AP4S1: variants seen among roughly 807,000 people sequenced by gnomAD.
AP4S1 encodes AP-4 complex subunit sigma-1.
A neutral mutation model predicts 19.8 loss-of-function variants in AP4S1; 23 were observed. The ratio of observed to expected loss-of-function variants is 1.16; its 90% CI spans 0.84 to 1.65. The LOEUF (loss-of-function observed/expected upper bound fraction) is 1.65. AP4S1 is among the 40% of genes most tolerant of loss of function. The pLI is 0.00. For missense variants in AP4S1, 166 were observed against 172.8 expected (o/e 0.96, Z 0.22); for synonymous variants, 46 against 54.1 (o/e 0.85, Z 0.66).
In AP4S1 at chr14:31,082,753, G is replaced by A. The variant is rs563310881; in HGVS notation, c.306+2169G>A. Among the ~76,000 whole-genome samples the A allele has an allele frequency of 9.2e-3, 1,398 of 152,228 alleles. 18 individuals are homozygous for A. The highest frequency in any genetic ancestry group is 0.03 in the African/African-American group (1,247 of 41,542). ...CTACTAAAAATACAAAAAATTAGCC[G>A]GGCGCGGTGGCGGGCGCCTGTAGTC... On this transcript the variant is annotated intron_variant, in intron 5 of 5. Transcript: ENST00000542754.
intron 1 of AP4S1, among the ~76,000 whole-genome samples, chr14:31,060,334 T>C (rs1886369000): frequency 6.6e-6 from 1 of 152,086 alleles, no homozygotes; most frequent in Admixed American, 6.6e-5. Context: ...TTGGTTATAC[T>C]CAGGGCAGTC....
At chr14:31,075,247 T>C (rs1363562487) in intron 4 of AP4S1, among the ~76,000 whole-genome samples, 2 of 152,196 alleles carry the variant, frequency 1.3e-5, no homozygotes, top group Non-Finnish European at 2.9e-5. Flanking sequence ...ATATCTACTT[T>C]TTTACTTCCC....
chr14:31,080,785 T>C (rs2139098894), intron 5 of AP4S1: 1 of 731,268 alleles, frequency 1.4e-6, no homozygotes, highest in Non-Finnish European at 2.4e-6. Flanking sequence ...AGGCGATTCT[T>C]TTTTTTTCTT....
chr14:31,066,200 A>G lies in AP4S1; in HGVS notation c.4A>G (p.Ile2Val), dbSNP rs1046623045. M[I>V]KFFLMVNKQG... ...AAATACTGGCCAGGAAAGAAAAATG[A>G]TAAAATTTTTCCTCATGGTGAATAA... The change falls in exon 2 of 6, where the codon ATA becomes GTA. Residue 2 changes from isoleucine (I) to valine (V), a missense_variant. By Grantham distance (29) the Ile-to-Val change is conservative (BLOSUM62 3). Coordinates refer to ENST00000542754, the MANE Select transcript of AP4S1 (RefSeq NM_001128126.3). 10 of 1,613,838 alleles carry G rather than the reference A, an allele frequency of 6.2e-6. No homozygotes were observed. The highest frequency in any genetic ancestry group is 5.0e-5 in the Admixed American group (3 of 59,988).
At chr14:31,030,522 A>AT (rs1336854224) in intron 1 of AP4S1, among the ~76,000 whole-genome samples, 1 of 151,920 alleles carries the variant, frequency 6.6e-6, no homozygotes, top group African/African-American at 2.4e-5. Context: ...TTTGTTTTTA[A>AT]TTTTTTGTAG....
At chr14:31,049,429 ATAT>A (rs1376881151) in intron 1 of AP4S1, among the ~76,000 whole-genome samples, 410 of 35,870 alleles carry the variant, frequency 0.011, 4 homozygotes, top group Middle Eastern at 0.025. Context: ...AAAAAAAAAA[ATAT>A]ATATATATAT....
At chr14:31,036,134 TA>T (rs1320691365) in intron 1 of AP4S1, among the ~76,000 whole-genome samples, 3 of 141,608 alleles carry the variant, frequency 2.1e-5, no homozygotes, top group East Asian at 4.4e-4. Context: ...ATTTTTATTT[TA>T]AAAAAATAAT....
Position 31,049,428 on chromosome 14 carries a change from AATATATATATAT to A in AP4S1, c.-71-16675_-71-16664del, listed in dbSNP as rs1182207910. 6.0e-3 allele frequency among the ~76,000 whole-genome samples: 348 copies of A among 57,708 alleles called. 4 individuals are homozygous for A. Among genetic ancestry groups the A allele is most frequent in the East Asian group, 0.011 (22 of 1,976 alleles). 37.9% of individuals were successfully genotyped at this position (57,708 alleles called of 152,430 possible). The stretch of plus-strand genomic sequence containing the variant: ...GACTCGGTCTCAAAAAAAAAAAAAA[AATATATATATAT>A]ATATATATATATATATATATATGTA... On this transcript the variant is annotated intron_variant, in intron 1 of 5. Transcript: ENST00000542754.
chr14:31,064,171 C>T (rs1423777970), intron 1 of AP4S1, among the ~76,000 whole-genome samples: 1 of 152,230 alleles, frequency 6.6e-6, no homozygotes, highest in African/African-American at 2.4e-5. Context: ...TTAGGGGTGT[C>T]ATGGATCCAT....
chr14:31,060,516 T>G (rs1886378869), intron 1 of AP4S1, among the ~76,000 whole-genome samples: 2 of 152,176 alleles, frequency 1.3e-5, no homozygotes, highest in Admixed American at 1.3e-4. Context: ...CCAAGCAACT[T>G]AAGCGTCACA....
chr14:31,080,170 T>A (rs1019153785), intron 4 of AP4S1, among the ~76,000 whole-genome samples: 5 of 152,328 alleles, frequency 3.3e-5, no homozygotes, highest in Non-Finnish European at 7.3e-5. Flanking sequence ...ACCCTGAATA[T>A]CCTGTCATAT....
chr14:31,080,507 C>T, intron 4 of AP4S1, 66 bp from the exon 5 acceptor site: 1 of 1,370,792 alleles, frequency 7.3e-7, no homozygotes, highest in African/African-American at 1.4e-5. Context: ...TTCAGTCTGA[C>T]TCTGCTAAGA....
intron 1 of AP4S1, among the ~76,000 whole-genome samples, chr14:31,043,186 A>T (rs1594640843): frequency 6.6e-6 from 1 of 151,428 alleles, no homozygotes; most frequent in African/African-American, 2.4e-5. Context: ...ATGCCACTGC[A>T]CTCTAGCCTG....
chr14:31,084,622 C>CA, intron 5 of AP4S1: 1 of 1,325,858 alleles, frequency 7.5e-7, no homozygotes, highest in South Asian at 1.3e-5. Context: ...CACTCCTGTG[C>CA]ACTCTTCAGT....
At chr14:31,083,222 A>T (rs1887746317) in intron 5 of AP4S1, among the ~76,000 whole-genome samples, 1 of 152,176 alleles carries the variant, frequency 6.6e-6, no homozygotes, top group Admixed American at 6.5e-5. Flanking sequence ...TTTTACGTCA[A>T]GATACACAAT....
At chr14:31,044,705 G>T (rs1594643276) in intron 1 of AP4S1, among the ~76,000 whole-genome samples, 1 of 151,556 alleles carries the variant, frequency 6.6e-6, no homozygotes, top group African/African-American at 2.4e-5. Flanking sequence ...TGTTTTTCAG[G>T]CTGGTCTTGA....
chr14:31,089,096 G>C (rs1888004762), intron 5 of AP4S1, among the ~76,000 whole-genome samples: 1 of 150,896 alleles, frequency 6.6e-6, no homozygotes. Context: ...GGAGGTCGAG[G>C]CTGCAGTGAG....
rs1396644860 is a variant in AP4S1 at position 31,093,219 on chromosome 14, A to G, written c.*184A>G. On this transcript the variant is annotated 3_prime_UTR_variant, in exon 6 of 6. Transcript: ENST00000542754. ...AGAAAACACAACTGTACTTTAAAAT[A>G]TGTACAAAGAAAAAAATTTCTTTAA... The G allele has an allele frequency of 2.0e-6, 1 of 508,182 alleles. No individual in the cohort carries two copies. The highest frequency in any genetic ancestry group is 3.2e-6 in the Non-Finnish European group (1 of 313,652). 31.5% of individuals were successfully genotyped at this position (508,182 alleles called of 1,614,324 possible). A position where few individuals can be genotyped will look rare whatever the true frequency, so the allele number is the denominator to read the frequency against.
Position 31,066,307 on chromosome 14 carries a change from G to A in AP4S1, c.111G>A (p.Lys37=), listed in dbSNP as rs765019149. ...KRTLLETEVI[K]SCLSRSNEQC... ...CACTTCTGGAAACAGAAGTCATAAA[G>A]AGCTGTCTCTCTCGATCCAATGAAC... Residue 37 remains lysine, a synonymous_variant, in exon 2 of 6, where the codon AAG becomes AAA. Transcript: ENST00000542754. The A allele has an allele frequency of 3.1e-6, 5 of 1,613,986 alleles. No individual in the cohort carries two copies. The South Asian group carries it at 5.5e-5, about 18-fold the overall frequency.
Sources: gnomAD v4.1 joint callset for allele counts (sites outside exome capture counted in the v4.1 genomes callset) on GRCh38, gnomAD v4.1.1 for gene constraint, MANE v1.5 for transcripts, NCBI Gene and HGNC (gene_info 2026-07-23, HGNC 2026-07-21) for gene names.